TNKS: variants seen among roughly 807,000 people sequenced by gnomAD.
TNKS encodes the protein tankyrase, also known as poly [ADP-ribose] polymerase tankyrase-1.
TNKS carries 72 observed loss-of-function variants against 135.8 expected under a neutral mutation model. That is an observed-to-expected ratio of 0.53 (90% CI 0.44 to 0.64). The LOEUF (loss-of-function observed/expected upper bound fraction) is 0.64. Ranked by LOEUF, TNKS falls within the 30% of genes least tolerant of loss-of-function variation. The probability of loss-of-function intolerance (pLI) is 0.00; values close to 1 mark genes in which losing one functional copy is unlikely to be tolerated. For missense variants in TNKS, 1,769 were observed against 1,674.0 expected (o/e 1.06, Z -0.99); for synonymous variants, 849 against 649.3 (o/e 1.31, Z -4.68).
intron 3 of TNKS, among the ~76,000 whole-genome samples, chr8:9,635,027 GGGCGCGGTGGCAGGCGCCTGTA>G (rs1453853928): frequency 1.3e-5 from 2 of 152,066 alleles, no homozygotes; most frequent in East Asian, 1.9e-4. Context: ...AATATTAGCC[GGGCGCGGTGGCAGGCGCCTGTA>G]GGCGCGGCCA....
chr8:9,564,322 TG>T (rs1407543662), intron 1 of TNKS, among the ~76,000 whole-genome samples: 1 of 151,986 alleles, frequency 6.6e-6, no homozygotes, highest in Non-Finnish European at 1.5e-5. Context: ...AGAAATACAT[TG>T]GGAGGATAGG....
At chr8:9,571,147 C>T (rs2129051457) in intron 1 of TNKS, among the ~76,000 whole-genome samples, 1 of 152,242 alleles carries the variant, frequency 6.6e-6, no homozygotes, top group African/African-American at 2.4e-5. Flanking sequence ...ATTTCTACAA[C>T]AAATTCTATG....
intron 26 of TNKS, among the ~76,000 whole-genome samples, chr8:9,773,111 A>G (rs900704238): frequency 1.3e-5 from 2 of 151,894 alleles, no homozygotes; most frequent in African/African-American, 2.4e-5. Context: ...TAACTTCTAG[A>G]AAAGAAGCTT....
At chr8:9,602,034 G>T (rs887566921) in intron 2 of TNKS, among the ~76,000 whole-genome samples, 8 of 152,034 alleles carry the variant, frequency 5.3e-5, no homozygotes, top group African/African-American at 1.9e-4. Context: ...CCCTTAGAGG[G>T]CATATTTAGC....
intron 3 of TNKS, among the ~76,000 whole-genome samples, chr8:9,654,396 A>G (rs1801267362): frequency 6.6e-6 from 1 of 152,240 alleles, no homozygotes; most frequent in African/African-American, 2.4e-5. Flanking sequence ...GCTTTTACAA[A>G]AAAAAATTAA....
At chr8:9,564,453 T>G (rs1284161126) in intron 1 of TNKS, among the ~76,000 whole-genome samples, 2 of 152,238 alleles carry the variant, frequency 1.3e-5, no homozygotes, top group Non-Finnish European at 2.9e-5. Context: ...ATAAATTTTA[T>G]TGTAATGTTA....
chr8:9,751,553 C>G, intron 18 of TNKS, 56 bp from the exon 19 acceptor site: 1 of 1,504,740 alleles, frequency 6.6e-7, no homozygotes, highest in Non-Finnish European at 9.1e-7. Context: ...CAGTGAAAAA[C>G]TTACCATTTT....
chr8:9,642,019 G>A lies in TNKS; in HGVS notation c.994+26342G>A, dbSNP rs1255994464. Among the ~76,000 whole-genome samples, 4 of 146,318 alleles carry A rather than the reference G, an allele frequency of 2.7e-5. 1 individual carries two copies. The highest frequency in any genetic ancestry group is 6.0e-5 in the Non-Finnish European group (4 of 66,684). On this transcript the variant is annotated intron_variant, in intron 3 of 26. Transcript: ENST00000310430. ...TTTTTTGCACTTCTGAACTACAACA[G>A]TTGCTTCTTTACAAGCTTGATGTAG...
intron 2 of TNKS, among the ~76,000 whole-genome samples, chr8:9,608,097 C>T (rs192184677): frequency 0.011 from 1,620 of 152,176 alleles, 12 homozygotes; most frequent in African/African-American, 0.022. Context: ...CGTGCCATCA[C>T]GCCTGGCTCA....
In TNKS at chr8:9,580,280, G is replaced by C; in HGVS notation, c.795G>C (p.Val265=). The C allele has an allele frequency of 6.2e-7, 1 of 1,614,162 alleles. No individual in the cohort carries two copies. Among genetic ancestry groups the C allele is most frequent in the Non-Finnish European group, 8.5e-7 (1 of 1,180,038 alleles). ...NACSFGHAEV[V]SLLLCQGADP... ...GTTCTTTTGGCCATGCTGAGGTTGTGAGTCTGTTATTGTGCCAAGGAGCTG... is the reference window on the plus strand; with the variant it reads ...GTTCTTTTGGCCATGCTGAGGTTGTCAGTCTGTTATTGTGCCAAGGAGCTG... Residue 265 remains valine, a synonymous_variant, in exon 2 of 27, where the codon GTG becomes GTC. Transcript: ENST00000310430.
At chr8:9,584,897 G>A (rs1272828402) in intron 2 of TNKS, among the ~76,000 whole-genome samples, 2 of 152,142 alleles carry the variant, frequency 1.3e-5, no homozygotes, top group Non-Finnish European at 2.9e-5. Context: ...AGAGGTGTAT[G>A]GTGTTCCAAC....
chr8:9,748,315 TAGAAC>T (rs1469907649), intron 18 of TNKS, 103 bp downstream of exon 18: 10 of 1,064,144 alleles, frequency 9.4e-6, no homozygotes, highest in African/African-American at 4.9e-5. Context: ...TTATTTCACT[TAGAAC>T]AGAGATCTTC....
At position 9,776,919 on chromosome 8, in the gene TNKS, A is replaced by G; in HGVS notation, c.*183A>G. The G allele has an allele frequency of 1.8e-6, 1 of 548,188 alleles. No homozygotes were observed. The highest frequency in any genetic ancestry group is 2.9e-5 in the East Asian group (1 of 34,290). 34.0% of individuals were successfully genotyped at this position (548,188 alleles called of 1,614,324 possible). On this transcript the variant is annotated 3_prime_UTR_variant, in exon 27 of 27. Transcript: ENST00000310430. The stretch of plus-strand genomic sequence containing the variant: ...AGTAACTGATACATACTCAACTGCT[A>G]CTGTTCCCTTTGAGGAAATGTTTAC...
Position 9,751,828 on chromosome 8 carries a change from G to C in TNKS, c.3052G>C (p.Glu1018Gln), listed in dbSNP as rs1165609120. The stretch of plus-strand genomic sequence containing the variant: ...TGCAGGGGATGGCGCCGCGGGAACA[G>C]AAAGGAAGGAAGGAGAAGGTGAGTA... Reference protein sequence around the residue: ...SNAGDGAAGTERKEGEVAGLD... With the variant: ...SNAGDGAAGTQRKEGEVAGLD... Residue 1018 changes from glutamate (E) to glutamine (Q), a missense_variant, in exon 19 of 27, where the codon GAA becomes CAA. Physicochemically the swap from Glu to Gln is conservative, Grantham distance 29. This residue lies in a region of TNKS where 722 missense variants were observed against 688.9 expected (regional missense o/e 1.05). Transcript: ENST00000310430. The C allele has an allele frequency of 3.1e-6, 5 of 1,614,180 alleles. No individual in the cohort carries two copies. The highest frequency in any genetic ancestry group is 1.1e-5 in the South Asian group (1 of 91,080).
At chr8:9,707,482 C>A (rs144865947) in intron 8 of TNKS, among the ~76,000 whole-genome samples, 1 of 152,232 alleles carries the variant, frequency 6.6e-6, no homozygotes, top group African/African-American at 2.4e-5. Context: ...TTTCCCGAGC[C>A]CTGCAAGGCT....
intron 2 of TNKS, among the ~76,000 whole-genome samples, chr8:9,599,999 G>C (rs548501927): frequency 6.6e-6 from 1 of 152,268 alleles, no homozygotes; most frequent in African/African-American, 2.4e-5. Context: ...ATGAATTTTT[G>C]AGTGGGTAAT....
At chr8:9,620,816 A>T (rs1799839522) in intron 3 of TNKS, among the ~76,000 whole-genome samples, 1 of 152,160 alleles carries the variant, frequency 6.6e-6, no homozygotes, top group African/African-American at 2.4e-5. Flanking sequence ...GATTTCCTTC[A>T]TGGATTTATT....
At chr8:9,560,613 G>A (rs766393347) in intron 1 of TNKS, among the ~76,000 whole-genome samples, 3 of 143,606 alleles carry the variant, frequency 2.1e-5, no homozygotes, top group Non-Finnish European at 4.5e-5. Flanking sequence ...GTAATAAAAT[G>A]AGTCAGAATG....
chr8:9,624,165 G>C, intron 3 of TNKS, among the ~76,000 whole-genome samples: 1 of 152,084 alleles, frequency 6.6e-6, no homozygotes, highest in East Asian at 1.9e-4. Flanking sequence ...TATTTGTGAA[G>C]CATGATAACT....
Sources: gnomAD v4.1 joint callset for allele counts (sites outside exome capture counted in the v4.1 genomes callset) on GRCh38, gnomAD v4.1.1 for gene constraint, gnomAD v4.1.1 regional missense constraint, MANE v1.5 for transcripts, NCBI Gene and HGNC (gene_info 2026-07-23, HGNC 2026-07-21) for gene names.